Variants in PRKN observed in about 807,000 individuals in gnomAD.
The protein encoded by PRKN is E3 ubiquitin-protein ligase parkin.
Under a neutral mutation model 59.5 loss-of-function variants are expected in PRKN, and 56 were observed. The ratio of observed to expected loss-of-function variants is 0.94; its 90% confidence interval spans 0.76 to 1.18. PRKN has a LOEUF of 1.18. Ranked by LOEUF, PRKN falls within the 50% of genes most tolerant of loss-of-function variation. The probability of loss-of-function intolerance (pLI) is 0.00; values close to 1 mark genes in which losing one functional copy is unlikely to be tolerated. For missense variants in PRKN, 657 were observed against 596.4 expected, an observed-to-expected ratio of 1.10 and a Z score of -1.06; for synonymous variants, 250 against 222.1, an observed-to-expected ratio of 1.13 and a Z score of -1.12.
rs1212289315 is a variant in PRKN, at chr6:161,946,258, A to G, written c.734+27044T>C. ...GAAAAGATGAAGTTTCTTATTTATT[A>G]TGCCTCTGGATGTGTTTTTAATTTA... On this transcript the variant is annotated intron_variant, in intron 6 of 11. Transcript: ENST00000366898. 3.9e-5 allele frequency among the ~76,000 whole-genome samples: 6 copies of G among 152,146 alleles called. No homozygotes were observed. In the East Asian group the frequency reaches 1.2e-3, roughly 29 times the overall value.
At chr6:162,101,346 G>A (rs867521387) in intron 4 of PRKN, among the ~76,000 whole-genome samples, 30 of 151,400 alleles carry the variant, frequency 2.0e-4, no homozygotes, top group Admixed American at 1.2e-3. Context: ...TACTTTCCCC[G>A]TTATGTATTC....
At chr6:161,933,055 G>A (rs561299769) in intron 6 of PRKN, among the ~76,000 whole-genome samples, 21 of 152,228 alleles carry the variant, frequency 1.4e-4, no homozygotes, top group Non-Finnish European at 2.4e-4. Flanking sequence ...GGAGGCAGGC[G>A]GATCACCTGA....
At position 161,357,790 on chromosome 6, in the gene PRKN, G is replaced by A. The variant is rs540213538; in HGVS notation, c.1285+2298C>T. Among the ~76,000 whole-genome samples, 14 of 152,200 alleles carry A rather than the reference G, an allele frequency of 9.2e-5. No homozygotes were observed. Among genetic ancestry groups the A allele is most frequent in the South Asian group, 4.1e-4 (2 of 4,826 alleles). On this transcript the variant is annotated intron_variant, in intron 11 of 11. Coordinates refer to ENST00000366898, the MANE Select transcript of PRKN (RefSeq NM_004562.3). The surrounding 1 kb of genome is among the most constrained non-coding windows in gnomAD (Gnocchi z 5.5). ...ACTGAGGATGGATGTAAACCTTTCC[G>A]CCATGCCTTCATAACCTTCATCCAC...
In PRKN at chr6:162,176,360, A is replaced by C. The variant is rs1401385494; in HGVS notation, c.534+24771T>G. 2.0e-5 allele frequency among the ~76,000 whole-genome samples: 3 copies of C among 152,246 alleles called. No individual in the cohort carries two copies. The East Asian group carries it at 5.8e-4, about 29-fold the overall frequency. On this transcript the variant is annotated intron_variant, in intron 4 of 11. Coordinates refer to ENST00000366898, the MANE Select transcript of PRKN (RefSeq NM_004562.3). ...AGAACTGTGCAGTCACTAGACTCAAATAAGTATAAAGAGCCACACCGTCTC... is the reference window on the plus strand; with the variant it reads ...AGAACTGTGCAGTCACTAGACTCAACTAAGTATAAAGAGCCACACCGTCTC...
chr6:161,502,727 T>C lies in PRKN; in HGVS notation c.1083+46127A>G, dbSNP rs557911969. Among the ~76,000 whole-genome samples, 105 of 152,160 alleles carry C rather than the reference T, an allele frequency of 6.9e-4. No homozygotes were observed. The highest frequency in any genetic ancestry group is 2.5e-3 in the African/African-American group (105 of 41,498). On this transcript the variant is annotated intron_variant, in intron 9 of 11. Transcript: ENST00000366898. This position sits in a 1 kb window ranked among gnomAD's most constrained non-coding sequence, Gnocchi z 4.0. The stretch of plus-strand genomic sequence containing the variant: ...ACACAGTGTTATCGGCTAGGACTAA[T>C]GATGGTGGAGCAGTGTCGGTGAGGG...
chr6:161,485,560 T>C (rs73589800), intron 9 of PRKN, among the ~76,000 whole-genome samples: 3,659 of 152,218 alleles, frequency 0.024, 138 homozygotes, highest in African/African-American at 0.084. Flanking sequence ...CTCTAATTTA[T>C]ATAGGAGGGG....
chr6:162,062,846 A>G (rs1441288561), intron 4 of PRKN, among the ~76,000 whole-genome samples: 1 of 152,172 alleles, frequency 6.6e-6, no homozygotes, highest in Non-Finnish European at 1.5e-5. Flanking sequence ...TACTTGTCAG[A>G]ACTCCTCAAA....
At chr6:161,682,909 A>G (rs1215733697) in intron 7 of PRKN, among the ~76,000 whole-genome samples, 2 of 152,150 alleles carry the variant, frequency 1.3e-5, no homozygotes, top group Non-Finnish European at 2.9e-5. Context: ...CGGTGGCCCA[A>G]TGGAGACTGC....
chr6:161,525,405 T>C lies in PRKN; in HGVS notation c.1083+23449A>G, dbSNP rs1778981496. On this transcript the variant is annotated intron_variant, in intron 9 of 11. Coordinates refer to ENST00000366898, the MANE Select transcript of PRKN (RefSeq NM_004562.3). This position sits in a 1 kb window ranked among gnomAD's most constrained non-coding sequence, Gnocchi z 4.7. ...TGCCAGTGAGTAGGCTGCTCTGATC[T>C]CTTCTCCCTGCACTCCAACATCTTG... Among the ~76,000 whole-genome samples, 1 of 152,136 alleles carries C rather than the reference T, an allele frequency of 6.6e-6. No homozygotes were observed. Among genetic ancestry groups the C allele is most frequent in the Admixed American group, 6.5e-5 (1 of 15,280 alleles).
chr6:162,108,354 T>A (rs999954459), intron 4 of PRKN, among the ~76,000 whole-genome samples: 31 of 152,200 alleles, frequency 2.0e-4, no homozygotes, highest in Admixed American at 6.5e-5. Flanking sequence ...GCACTAGGAA[T>A]CAGCGCACTT....
intron 3 of PRKN, among the ~76,000 whole-genome samples, chr6:162,215,898 G>A (rs2128077325): frequency 6.6e-6 from 1 of 152,074 alleles, no homozygotes; most frequent in Non-Finnish European, 1.5e-5. Context: ...ACAAAAATTA[G>A]CTGGCATGGT....
intron 9 of PRKN, among the ~76,000 whole-genome samples, chr6:161,472,717 A>G (rs1260911753): frequency 6.6e-6 from 1 of 152,258 alleles, no homozygotes; most frequent in Non-Finnish European, 1.5e-5. Flanking sequence ...AAGGCAGCTT[A>G]CAGATTGGAA....
intron 2 of PRKN, among the ~76,000 whole-genome samples, chr6:162,391,806 A>G (rs1787210942): frequency 6.6e-6 from 1 of 152,180 alleles, no homozygotes; most frequent in African/African-American, 2.4e-5. Flanking sequence ...CAAGTTTCAC[A>G]CTTTTTTAAC....
rs1177332315 is a variant in PRKN, at chr6:162,393,155, C to CTTTTTTTTTTTTTTTTTTTTTTTTTT, written c.171+50154_171+50155insAAAAAAAAAAAAAAAAAAAAAAAAAA. 3.5e-4 allele frequency among the ~76,000 whole-genome samples: 28 copies of CTTTTTTTTTTTTTTTTTTTTTTTTTT among 80,172 alleles called. 4 individuals are homozygous for CTTTTTTTTTTTTTTTTTTTTTTTTTT. The highest frequency in any genetic ancestry group is 5.9e-4 in the East Asian group (1 of 1,682). 52.6% of individuals were successfully genotyped at this position (80,172 alleles called of 152,430 possible). On this transcript the variant is annotated intron_variant, in intron 2 of 11. Transcript: ENST00000366898. ...TGATACTGGGTGAGGATAGGAGATT[C>CTTTTTTTTTTTTTTTTTTTTTTTTTT]TTTTTTTTTTTTTTTTTTTTTTGAG...
At position 161,470,428 on chromosome 6, in the gene PRKN, A is replaced by T. The variant is rs1374335217; in HGVS notation, c.1083+78426T>A. 1.3e-5 allele frequency among the ~76,000 whole-genome samples: 2 copies of T among 152,024 alleles called. No individual in the cohort carries two copies. The highest frequency in any genetic ancestry group is 4.8e-5 in the African/African-American group (2 of 41,380). Reference sequence around the variant, plus strand: ...GGTAGAAGGAACTCCCATTATGAACACTCAAGAGTAATTCTCAACGGATCA... The same window carrying T: ...GGTAGAAGGAACTCCCATTATGAACTCTCAAGAGTAATTCTCAACGGATCA... On this transcript the variant is annotated intron_variant, in intron 9 of 11. Transcript: ENST00000366898. This position sits in a 1 kb window ranked among gnomAD's most constrained non-coding sequence, Gnocchi z 5.1.
At chr6:162,300,461 C>T (rs1781893584) in intron 2 of PRKN, among the ~76,000 whole-genome samples, 2 of 151,928 alleles carry the variant, frequency 1.3e-5, no homozygotes, top group South Asian at 4.1e-4. Context: ...TTTAGGTCTC[C>T]TTAATGGAGA....
At chr6:161,434,072 T>C (rs1788772402) in intron 9 of PRKN, among the ~76,000 whole-genome samples, 1 of 152,106 alleles carries the variant, frequency 6.6e-6, no homozygotes. Context: ...TGCTACTACT[T>C]AAGCCTGGGT....
At chr6:161,981,460 G>A (rs1459422280) in intron 5 of PRKN, among the ~76,000 whole-genome samples, 4 of 152,064 alleles carry the variant, frequency 2.6e-5, no homozygotes, top group African/African-American at 4.8e-5. Context: ...CAGGAGGATC[G>A]CTTGAGCCCA....
intron 2 of PRKN, among the ~76,000 whole-genome samples, chr6:162,356,747 T>TAAAAAAAAAAAAAAAAAAAA (rs748212596): frequency 1.4e-5 from 1 of 73,066 alleles, no homozygotes. Context: ...TGATTATTAG[T>TAAAAAAAAAAAAAAAAAAAA]AAAAAAAAAA....
Sources: gnomAD v4.1 joint callset for allele counts (sites outside exome capture counted in the v4.1 genomes callset) on GRCh38, gnomAD v4.1.1 for gene constraint, Gnocchi (gnomAD v3.1) non-coding constraint, MANE v1.5 for transcripts, NCBI Gene and HGNC (gene_info 2026-07-23, HGNC 2026-07-21) for gene names.